Variants in NPHP1 observed in about 807,000 individuals in gnomAD.
NPHP1 encodes the protein nephrocystin-1.
NPHP1 carries 70 observed loss-of-function variants against 90.4 expected under a neutral mutation model. The observed-to-expected ratio is 0.77, with a 90% confidence interval of 0.64 to 0.95. The LOEUF (loss-of-function observed/expected upper bound fraction) is 0.95, where lower values mean the gene tolerates loss of function less well. Among genes scored for constraint, NPHP1 ranks in the 40% least tolerant of loss-of-function variants. NPHP1 has a pLI of 0.00. For synonymous variants in NPHP1, 256 were observed against 271.7 expected (o/e 0.94, Z 0.57); for missense variants, 764 against 795.9 (o/e 0.96, Z 0.48).
chr2:110,132,899 T>C (rs550617112), intron 16 of NPHP1, among the ~76,000 whole-genome samples: 2 of 152,174 alleles, frequency 1.3e-5, no homozygotes, highest in South Asian at 2.1e-4. Context: ...AGAAAATAAC[T>C]ATAGAATATT....
At chr2:110,146,433 T>C (rs1681053837) in intron 14 of NPHP1, among the ~76,000 whole-genome samples, 1 of 152,294 alleles carries the variant, frequency 6.6e-6, no homozygotes, top group South Asian at 2.1e-4. Context: ...ACTTTCCCAC[T>C]CTTTGAAGAC....
chr2:110,143,605 C>T lies in NPHP1; in HGVS notation c.1466G>A (p.Arg489Lys). 2.5e-6 allele frequency: 4 copies of T among 1,613,730 alleles called. No homozygotes were observed. Among genetic ancestry groups the T allele is most frequent in the Non-Finnish European group, 3.4e-6 (4 of 1,179,676 alleles). Residue 489 changes from arginine to lysine, a missense_variant, in exon 16 of 20, where the codon AGA becomes AAA. Arg to Lys is a conservative substitution (Grantham distance 26). Transcript: ENST00000445609. Reference protein sequence around the residue: ...GSVFYQIMTMRRQPQLLVKLR... With the variant: ...GSVFYQIMTMKRQPQLLVKLR... ...TTTCACTAGAAGTTGAGGCTGCCTT[C>T]TCATTGTCATAATCTGGTAGAAAAC...
intron 18 of NPHP1, chr2:110,126,657 T>G (rs867809755): frequency 5.9e-5 from 9 of 152,664 alleles, no homozygotes; most frequent in South Asian, 2.1e-4. Context: ...CTTCTTATTA[T>G]TAAAATGTCA....
At chr2:110,146,248 T>G (rs558151599) in intron 14 of NPHP1, among the ~76,000 whole-genome samples, 139 of 152,264 alleles carry the variant, frequency 9.1e-4, no homozygotes, top group Non-Finnish European at 1.7e-3. Flanking sequence ...GAGAGTTCCT[T>G]TTATATTAGG....
intron 2 of NPHP1, among the ~76,000 whole-genome samples, chr2:110,194,842 G>A (rs934562800): frequency 1.3e-5 from 2 of 152,132 alleles, no homozygotes; most frequent in African/African-American, 2.4e-5. Flanking sequence ...GGGATGCAAG[G>A]CTGGTTCAAC....
Position 110,201,348 on chromosome 2 carries a change from C to A in NPHP1, c.143+73G>T, listed in dbSNP as rs35810959. On this transcript the variant is annotated intron_variant, in intron 2 of 19. Transcript: ENST00000445609. ...CCATTTGATTCCAAAGGACCAATCT[C>A]TATGCCTTAAATACTATGCATTGAA... The A allele has an allele frequency of 0.029, 28,083 of 984,304 alleles. 579 individuals are homozygous for A. Among genetic ancestry groups the A allele is most frequent in the Non-Finnish European group, 0.035 (21,690 of 626,724 alleles). 61.0% of individuals were successfully genotyped at this position (984,304 alleles called of 1,614,324 possible). A position where few individuals can be genotyped will look rare whatever the true frequency, so the allele number is the denominator to read the frequency against.
intron 4 of NPHP1, among the ~76,000 whole-genome samples, chr2:110,176,404 T>C (rs1312443430): frequency 6.6e-6 from 1 of 152,152 alleles, no homozygotes; most frequent in Non-Finnish European, 1.5e-5. Flanking sequence ...TAGAAGTCCT[T>C]GTCAGCTAAC....
chr2:110,149,525 G>A (rs1358640282), intron 12 of NPHP1, among the ~76,000 whole-genome samples: 3 of 152,126 alleles, frequency 2.0e-5, no homozygotes, highest in Non-Finnish European at 4.4e-5. Flanking sequence ...TCCACACCCT[G>A]AGCCCTCTCA....
At chr2:110,146,424 CT>C (rs991752097) in intron 14 of NPHP1, among the ~76,000 whole-genome samples, 1 of 152,146 alleles carries the variant, frequency 6.6e-6, no homozygotes, top group Non-Finnish European at 1.5e-5. Flanking sequence ...CTGGACTTAA[CT>C]TTCCCACTCT....
intron 11 of NPHP1, among the ~76,000 whole-genome samples, chr2:110,153,114 T>C (rs1425480376): frequency 6.6e-6 from 1 of 152,150 alleles, no homozygotes; most frequent in Non-Finnish European, 1.5e-5. Context: ...TGAATGATGA[T>C]GAATTTCTCA....
chr2:110,179,517 T>A, intron 3 of NPHP1, 107 bp downstream of exon 3: 1 of 640,790 alleles, frequency 1.6e-6, no homozygotes, highest in Non-Finnish European at 2.9e-6. Flanking sequence ...TTAGACTATA[T>A]CACTAACGTA....
intron 2 of NPHP1, among the ~76,000 whole-genome samples, chr2:110,191,821 T>A (rs1684770084): frequency 6.6e-6 from 1 of 152,150 alleles, no homozygotes. Context: ...TCCAGAGGAA[T>A]GATCAGGCAG....
At chr2:110,145,039 A>T (rs1437481409) in intron 14 of NPHP1, among the ~76,000 whole-genome samples, 2 of 152,218 alleles carry the variant, frequency 1.3e-5, no homozygotes, top group East Asian at 3.9e-4. Flanking sequence ...AAAGTGAAAA[A>T]TCCCTCCCCA....
chr2:110,158,686 T>C (rs1049085545), intron 11 of NPHP1, among the ~76,000 whole-genome samples: 1 of 152,054 alleles, frequency 6.6e-6, no homozygotes, highest in Non-Finnish European at 1.5e-5. Flanking sequence ...TCTCTCACTG[T>C]GGTTTTCATT....
intron 4 of NPHP1, among the ~76,000 whole-genome samples, chr2:110,174,252 A>G (rs1574149130): frequency 6.6e-6 from 1 of 152,222 alleles, no homozygotes; most frequent in East Asian, 1.9e-4. Context: ...GGCTGCATTG[A>G]AACCATATTA....
At chr2:110,153,494 T>C (rs533254531) in intron 11 of NPHP1, among the ~76,000 whole-genome samples, 3 of 152,270 alleles carry the variant, frequency 2.0e-5, no homozygotes, top group South Asian at 4.1e-4. Context: ...AAGACAACTA[T>C]ATTACAAGCT....
intron 14 of NPHP1, among the ~76,000 whole-genome samples, chr2:110,146,507 T>G (rs1230066894): frequency 6.6e-6 from 1 of 152,118 alleles, no homozygotes; most frequent in Non-Finnish European, 1.5e-5. Context: ...TGAAAGAATA[T>G]TCTCAGCAGA....
intron 11 of NPHP1, among the ~76,000 whole-genome samples, chr2:110,157,074 C>T (rs1681955942): frequency 1.3e-5 from 2 of 152,086 alleles, no homozygotes; most frequent in South Asian, 4.2e-4. Flanking sequence ...TGCGCCCAGC[C>T]CAATGCTTTT....
intron 8 of NPHP1, chr2:110,164,246 A>C: frequency 2.2e-6 from 1 of 460,974 alleles, no homozygotes; most frequent in Non-Finnish European, 3.9e-6. Context: ...TATGTTGCTC[A>C]AGCTGGTCTT....
Sources: gnomAD v4.1 joint callset for allele counts (sites outside exome capture counted in the v4.1 genomes callset) on GRCh38, gnomAD v4.1.1 for gene constraint, MANE v1.5 for transcripts, NCBI Gene and HGNC (gene_info 2026-07-23, HGNC 2026-07-21) for gene names.